The following ABCC3 variants were observed in gnomAD, a reference collection of about 807,000 sequenced individuals.
ABCC3 encodes the protein ATP-binding cassette sub-family C member 3.
ABCC3 carries 121 observed loss-of-function variants against 165.3 expected under a neutral mutation model. That is an observed-to-expected ratio of 0.73 (90% CI 0.63 to 0.85). The LOEUF (loss-of-function observed/expected upper bound fraction) is 0.85. Among genes scored for constraint, ABCC3 ranks in the 40% least tolerant of loss-of-function variants. The probability of loss-of-function intolerance (pLI) is 0.00; values close to 1 mark genes in which losing one functional copy is unlikely to be tolerated. For missense variants in ABCC3, 1,869 were observed against 1,964.1 expected (o/e 0.95, Z 0.92); for synonymous variants, 733 against 810.1 (o/e 0.90, Z 1.62).
chr17:50,649,050 T>A (rs1967059468), intron 1 of ABCC3, among the ~76,000 whole-genome samples: 1 of 150,600 alleles, frequency 6.6e-6, no homozygotes. Context: ...AGGCAGAGGT[T>A]GCAGTGAGCT....
rs537201607 is a variant in ABCC3 at position 50,664,298 on chromosome 17, G to A, written c.1338+187G>A. ...TGCGCCACGATTGTGCCTGCGAATA[G>A]CCACCACACTCCAGCCTGGGCAACA... On this transcript the variant is annotated intron_variant, in intron 10 of 30. Transcript: ENST00000285238. 197 of 683,642 alleles carry A rather than the reference G, an allele frequency of 2.9e-4. No homozygotes were observed. The East Asian group carries it at 5.4e-3, about 19-fold the overall frequency. The allele number at this position is 683,642 out of a possible 1,614,324, so 42.3% of individuals were successfully genotyped here.
At chr17:50,682,113 G>A (rs571765764) in intron 26 of ABCC3, among the ~76,000 whole-genome samples, 2 of 152,110 alleles carry the variant, frequency 1.3e-5, no homozygotes, top group East Asian at 1.9e-4. Context: ...CTCCTGCCTC[G>A]AAGCAGGGCT....
intron 1 of ABCC3, among the ~76,000 whole-genome samples, chr17:50,649,806 C>G (rs146673570): frequency 1.6e-3 from 242 of 152,204 alleles, no homozygotes; most frequent in Middle Eastern, 3.4e-3. Context: ...TTAATAGGAT[C>G]ACAGGTCACT....
chr17:50,690,351 G>A (rs974901255), intron 30 of ABCC3, among the ~76,000 whole-genome samples: 10 of 151,996 alleles, frequency 6.6e-5, no homozygotes, highest in Non-Finnish European at 1.0e-4. Flanking sequence ...AGGGGAGGGG[G>A]GGCGGTGGCC....
At chr17:50,636,725 C>G (rs1008664732) in intron 1 of ABCC3, among the ~76,000 whole-genome samples, 1 of 152,234 alleles carries the variant, frequency 6.6e-6, no homozygotes, top group Non-Finnish European at 1.5e-5. Flanking sequence ...GCTTAGGACT[C>G]TACAGAGACA....
chr17:50,678,593 A>G (rs952769279), intron 25 of ABCC3, among the ~76,000 whole-genome samples: 3 of 152,166 alleles, frequency 2.0e-5, no homozygotes, highest in African/African-American at 7.2e-5. Context: ...CAGGCTGAGC[A>G]GGTCTTTGTG....
rs1968037911 is a variant in ABCC3, at chr17:50,687,230, A to G, written c.4281-306A>G. 3 of 394,512 alleles carry G rather than the reference A, an allele frequency of 7.6e-6. No individual in the cohort carries two copies. The South Asian group carries it at 1.4e-4, about 19-fold the overall frequency. The allele number at this position is 394,512 out of a possible 1,614,324, so 24.4% of individuals were successfully genotyped here. On this transcript the variant is annotated intron_variant, in intron 29 of 30. Coordinates refer to ENST00000285238, the MANE Select transcript of ABCC3 (RefSeq NM_003786.4). Reference sequence around the variant, plus strand: ...ATGGCTGATAGAGTGAAGCAGAGAAACATCACGGCACTAGCTGAAAAGCAA... The same window carrying G: ...ATGGCTGATAGAGTGAAGCAGAGAAGCATCACGGCACTAGCTGAAAAGCAA...
Position 50,676,353 on chromosome 17 carries a change from T to A in ABCC3, c.3143T>A (p.Leu1048Gln). The A allele has an allele frequency of 6.2e-7, 1 of 1,614,218 alleles. No homozygotes were observed. Among genetic ancestry groups the A allele is most frequent in the Non-Finnish European group, 8.5e-7 (1 of 1,180,032 alleles). The change falls in exon 23 of 31, where the codon CTG (leucine) becomes CAG (glutamine). Residue 1048 changes from leucine to glutamine, a missense_variant. By Grantham distance (113) the Leu-to-Gln change is moderately radical. Coordinates refer to ENST00000285238, the MANE Select transcript of ABCC3 (RefSeq NM_003786.4). ...IQAARVLHQA[L>Q]LHNKIRSPQS... The stretch of plus-strand genomic sequence containing the variant: ...GCTGCCCGTGTGTTGCACCAGGCAC[T>A]GCTGCACAACAAGATACGCTCGCCA...
rs758383044 is a variant in ABCC3, at chr17:50,655,990, C to A, written c.204C>A (p.His68Gln). 6.2e-7 allele frequency: 1 copy of A among 1,614,084 alleles called. No individual in the cohort carries two copies. The highest frequency in any genetic ancestry group is 8.5e-7 in the Non-Finnish European group (1 of 1,179,986). The change falls in exon 2 of 31, where the codon CAC becomes CAA. Residue 68 changes from histidine to glutamine, a missense_variant. Physicochemically the swap from His to Gln is conservative, Grantham distance 24 (BLOSUM62 0). Transcript: ENST00000285238. ...HHCRGYIILS[H>Q]LSKLKMVLGV... The stretch of plus-strand genomic sequence containing the variant: ...GTCGTGGCTACATCATCCTCTCCCA[C>A]CTGTCCAAGCTCAAGATGGTCAGTG...
intron 23 of ABCC3, among the ~76,000 whole-genome samples, chr17:50,676,924 G>A (rs562767239): frequency 4.7e-5 from 7 of 149,670 alleles, no homozygotes; most frequent in East Asian, 3.9e-4. Context: ...TCGCTCTGTC[G>A]CTCAGGCTGG....
intron 19 of ABCC3, chr17:50,674,371 C>G (rs1427270710): frequency 6.6e-6 from 1 of 152,084 alleles, no homozygotes; most frequent in East Asian, 1.9e-4. Flanking sequence ...GATCTCAGAG[C>G]CTGTTTTCCA....
rs11568601 is a variant in ABCC3 at position 50,667,674 on chromosome 17, A to C, written c.1552A>C (p.Arg518=). The change falls in exon 12 of 31, where the codon AGG becomes CGG. Residue 518 remains arginine, a synonymous_variant. Transcript: ENST00000285238. Reference sequence around the variant, plus strand: ...CTTCCTGAAGCAGGTGGAGGGCATCAGGCAGGGTGAGCTCCAGCTGCTGCG... The same window carrying C: ...CTTCCTGAAGCAGGTGGAGGGCATCCGGCAGGGTGAGCTCCAGCTGCTGCG... ...PSFLKQVEGI[R]QGELQLLRTA... is the part of the protein sequence containing the mutation. 36,518 of 1,614,174 alleles carry C rather than the reference A, an allele frequency of 0.023. 537 individuals carry two copies. Among genetic ancestry groups the C allele is most frequent in the Non-Finnish European group, 0.027 (31,673 of 1,180,020 alleles).
intron 19 of ABCC3, among the ~76,000 whole-genome samples, chr17:50,673,982 C>CCTTCCTTCCTTCCTTCCTT (rs1967727504): frequency 6.8e-5 from 1 of 14,698 alleles, no homozygotes; most frequent in Non-Finnish European, 1.3e-4. Context: ...CTTTCTTTCT[C>CCTTCCTTCCTTCCTTCCTT]TCTCTCTCTC....
chr17:50,672,907 G>A, intron 17 of ABCC3, 64 bp from the exon 18 acceptor site: 1 of 1,469,440 alleles, frequency 6.8e-7, no homozygotes, highest in Non-Finnish European at 9.3e-7. Context: ...AAATAACAGT[G>A]GACAGGCCGT....
In ABCC3 at chr17:50,659,242, C is replaced by G. The variant is rs1425562814; in HGVS notation, c.680C>G (p.Ala227Gly). 1 of 1,613,456 alleles carries G rather than the reference C, an allele frequency of 6.2e-7. No homozygotes were observed. Among genetic ancestry groups the G allele is most frequent in the Non-Finnish European group, 8.5e-7 (1 of 1,179,690 alleles). ...RLFFWWFTKM[A>G]IYGYRHPLEE... ...CGGGCTTCACCTCCCCCCAGGATGG[C>G]CATCTATGGCTACCGGCATCCCCTG... Residue 227 changes from alanine to glycine, a missense_variant, in exon 7 of 31, where the codon GCC becomes GGC. Coordinates refer to ENST00000285238, the MANE Select transcript of ABCC3 (RefSeq NM_003786.4).
chr17:50,659,166 T>C, intron 6 of ABCC3, 71 bp from the exon 7 acceptor site: 4 of 1,576,676 alleles, frequency 2.5e-6, no homozygotes, highest in Non-Finnish European at 2.6e-6. Context: ...CTGGAGACAC[T>C]GACCCTTGGC....
At position 50,677,958 on chromosome 17, in the gene ABCC3, C is replaced by T. The variant is rs369154875; in HGVS notation, c.3578+15C>T. Reference sequence around the variant, plus strand: ...ATCTCCAACCGGTCAGAAGCCGCCTCCCTCGCTCCCTGCTCCTCCAGGAAT... The same window carrying T: ...ATCTCCAACCGGTCAGAAGCCGCCTTCCTCGCTCCCTGCTCCTCCAGGAAT... On this transcript the variant is annotated intron_variant, in intron 24 of 30. Coordinates refer to ENST00000285238, the MANE Select transcript of ABCC3 (RefSeq NM_003786.4). 1 of 1,614,164 alleles carries T rather than the reference C, an allele frequency of 6.2e-7. No homozygotes were observed. Among genetic ancestry groups the T allele is most frequent in the Non-Finnish European group, 8.5e-7 (1 of 1,180,020 alleles).
intron 1 of ABCC3, among the ~76,000 whole-genome samples, chr17:50,651,066 G>GAAAA (rs57837230): frequency 0.039 from 3,277 of 84,126 alleles, 152 homozygotes; most frequent in East Asian, 0.17. Context: ...CTCCATCTCA[G>GAAAA]AAAAAAAAAA....
intron 25 of ABCC3, chr17:50,679,589 G>A (rs1415709539): frequency 2.2e-6 from 1 of 460,148 alleles, no homozygotes; most frequent in Admixed American, 3.7e-5. Context: ...GGTGGTCCTT[G>A]GTTAAGTCTG....
Sources: gnomAD v4.1 joint callset for allele counts (sites outside exome capture counted in the v4.1 genomes callset) on GRCh38, gnomAD v4.1.1 for gene constraint, MANE v1.5 for transcripts, NCBI Gene and HGNC (gene_info 2026-07-23, HGNC 2026-07-21) for gene names.